HS3ST5: variants seen among roughly 807,000 people sequenced by gnomAD.
HS3ST5 encodes the protein heparan sulfate glucosamine 3-O-sulfotransferase 5.
Under a neutral mutation model 25.4 loss-of-function variants are expected in HS3ST5, and 10 were observed. That is an observed-to-expected ratio of 0.39 (90% CI 0.24 to 0.67). The LOEUF (loss-of-function observed/expected upper bound fraction) is 0.67. HS3ST5 is among the 30% of genes least tolerant of loss of function. The pLI is 0.44. For missense variants in HS3ST5, 324 were observed against 420.7 expected (o/e 0.77, Z 2.01); for synonymous variants, 170 against 162.4 (o/e 1.05, Z -0.36).
chr6:114,311,493 C>T (rs1440680215), intron 1 of HS3ST5, among the ~76,000 whole-genome samples: 1 of 149,484 alleles, frequency 6.7e-6, no homozygotes, highest in Non-Finnish European at 1.5e-5. Flanking sequence ...ATTGTTACCA[C>T]TTAAAATGAA....
chr6:114,143,674 A>T (rs1044242205), intron 3 of HS3ST5: 10 of 152,332 alleles, frequency 6.6e-5, no homozygotes, highest in African/African-American at 2.4e-4. Flanking sequence ...TCACACAAGG[A>T]CAGTTTGCAG....
chr6:114,239,773 T>G (rs1772018819), intron 1 of HS3ST5, among the ~76,000 whole-genome samples: 1 of 152,126 alleles, frequency 6.6e-6, no homozygotes, highest in Non-Finnish European at 1.5e-5. Flanking sequence ...CCTTTCTGTT[T>G]GGAGGGGCTT....
chr6:114,317,023 C>A (rs1189612654), intron 1 of HS3ST5, among the ~76,000 whole-genome samples: 1 of 152,024 alleles, frequency 6.6e-6, no homozygotes, highest in Non-Finnish European at 1.5e-5. Context: ...GCAAATTATT[C>A]TTCTATGTTT....
chr6:114,155,666 C>A (rs1778666120), intron 3 of HS3ST5, among the ~76,000 whole-genome samples: 1 of 152,154 alleles, frequency 6.6e-6, no homozygotes, highest in Non-Finnish European at 1.5e-5. Context: ...AAGAAGGAAC[C>A]CATTATATCA....
intron 2 of HS3ST5, among the ~76,000 whole-genome samples, chr6:114,194,727 C>A (rs1447650181): frequency 6.6e-6 from 1 of 152,190 alleles, no homozygotes; most frequent in Non-Finnish European, 1.5e-5. Context: ...AATTTTAGAA[C>A]ATGGGTCCCA....
At chr6:114,149,385 G>A (rs1778339585) in intron 3 of HS3ST5, among the ~76,000 whole-genome samples, 1 of 152,168 alleles carries the variant, frequency 6.6e-6, no homozygotes, top group Admixed American at 6.5e-5. Context: ...TGTACACCAT[G>A]GAATACTATG....
At chr6:114,140,641 T>A (rs1371385843) in intron 3 of HS3ST5, among the ~76,000 whole-genome samples, 2 of 152,196 alleles carry the variant, frequency 1.3e-5, no homozygotes, top group Non-Finnish European at 2.9e-5. Flanking sequence ...AGGGCATTAG[T>A]GTCATGTTCA....
At chr6:114,259,277 GTTT>G (rs1208002567) in intron 1 of HS3ST5, among the ~76,000 whole-genome samples, 1 of 152,092 alleles carries the variant, frequency 6.6e-6, no homozygotes, top group Non-Finnish European at 1.5e-5. Flanking sequence ...CTCAGAATGA[GTTT>G]TTGTGTTCAT....
At chr6:114,122,049 A>ACCCAGTCCAGACATCACCCCCTGT (rs1776814593) in intron 3 of HS3ST5, among the ~76,000 whole-genome samples, 1 of 152,068 alleles carries the variant, frequency 6.6e-6, no homozygotes, top group Admixed American at 6.6e-5. Context: ...CTCTTCCCTG[A>ACCCAGTCCAGACATCACCCCCTGT]CCCAGTCCAG....
chr6:114,073,374 A>G (rs1045444256), intron 3 of HS3ST5, among the ~76,000 whole-genome samples: 2 of 152,176 alleles, frequency 1.3e-5, no homozygotes, highest in African/African-American at 2.4e-5. Flanking sequence ...ATGGGAGAAA[A>G]TTTTTGCAAT....
intron 3 of HS3ST5, among the ~76,000 whole-genome samples, chr6:114,105,995 T>A (rs1032259032): frequency 3.9e-5 from 6 of 152,196 alleles, no homozygotes; most frequent in African/African-American, 1.4e-4. Flanking sequence ...TAAGCTGTAA[T>A]GTTGTTTTCG....
chr6:114,337,949 T>C (rs1183934604), intron 1 of HS3ST5, among the ~76,000 whole-genome samples: 2 of 151,986 alleles, frequency 1.3e-5, no homozygotes, highest in Admixed American at 6.6e-5. Flanking sequence ...AATAAAATAA[T>C]AGCAGCTGTA....
At chr6:114,250,544 G>C (rs1360368885) in intron 1 of HS3ST5, among the ~76,000 whole-genome samples, 1 of 150,068 alleles carries the variant, frequency 6.7e-6, no homozygotes, top group Non-Finnish European at 1.5e-5. Context: ...TCACGCCACT[G>C]CACTCCAGCC....
chr6:114,095,179 T>C (rs1427263274), intron 3 of HS3ST5, among the ~76,000 whole-genome samples: 1 of 152,136 alleles, frequency 6.6e-6, no homozygotes, highest in Non-Finnish European at 1.5e-5. Context: ...AGAAAGCAAA[T>C]ACACTTCACT....
intron 1 of HS3ST5, among the ~76,000 whole-genome samples, chr6:114,270,809 A>G (rs894598863): frequency 6.6e-6 from 1 of 152,186 alleles, no homozygotes; most frequent in African/African-American, 2.4e-5. Flanking sequence ...TGTTCTCATT[A>G]CAAAAAATAA....
At chr6:114,093,028 A>G (rs1230390959) in intron 3 of HS3ST5, among the ~76,000 whole-genome samples, 1 of 152,162 alleles carries the variant, frequency 6.6e-6, no homozygotes, top group African/African-American at 2.4e-5. Context: ...TTATAACTCC[A>G]TGAGACTGGT....
intron 1 of HS3ST5, among the ~76,000 whole-genome samples, chr6:114,290,709 AT>A (rs1347633717): frequency 6.6e-6 from 1 of 152,042 alleles, no homozygotes; most frequent in Admixed American, 6.6e-5. Context: ...TTGGGAACAC[AT>A]TTTTTATTTC....
intron 3 of HS3ST5, among the ~76,000 whole-genome samples, chr6:114,141,513 C>A (rs181016673): frequency 6.6e-6 from 1 of 152,264 alleles, no homozygotes. Context: ...TCTTATGAGG[C>A]TCAAGCATGC....
chr6:114,129,565 A>T (rs1777228728), intron 3 of HS3ST5, among the ~76,000 whole-genome samples: 1 of 152,176 alleles, frequency 6.6e-6, no homozygotes, highest in South Asian at 2.1e-4. Context: ...AAGAATCTTA[A>T]TATAACATCT....
Sources: gnomAD v4.1 joint callset for allele counts (sites outside exome capture counted in the v4.1 genomes callset) on GRCh38, gnomAD v4.1.1 for gene constraint, MANE v1.5 for transcripts, NCBI Gene and HGNC (gene_info 2026-07-23, HGNC 2026-07-21) for gene names.